ERBB4: variants seen among roughly 807,000 people sequenced by gnomAD.
ERBB4 encodes the protein erb-b2 receptor tyrosine kinase 4.
Under a neutral mutation model 158.0 loss-of-function variants are expected in ERBB4, and 42 were observed. The ratio of observed to expected loss-of-function variants is 0.27; its 90% CI spans 0.21 to 0.34. The LOEUF (loss-of-function observed/expected upper bound fraction) is 0.34, where lower values mean the gene tolerates loss of function less well. ERBB4 is among the 10% of genes least tolerant of loss of function. The pLI, the probability that ERBB4 is intolerant of heterozygous loss-of-function variation, is 1.00. For synonymous variants in ERBB4, 583 were observed against 558.7 expected, an observed-to-expected ratio of 1.04 and a Z score of -0.61; for missense variants, 1,333 against 1,624.1, an observed-to-expected ratio of 0.82 and a Z score of 3.08.
At chr2:212,272,646 G>C (rs1373091851) in intron 1 of ERBB4, among the ~76,000 whole-genome samples, 5 of 151,762 alleles carry the variant, frequency 3.3e-5, no homozygotes, top group Non-Finnish European at 7.4e-5. Context: ...TAGTTTGACT[G>C]ATGCGCCAGC....
intron 12 of ERBB4, among the ~76,000 whole-genome samples, chr2:211,698,152 A>C (rs547996787): frequency 3.6e-4 from 55 of 152,170 alleles, no homozygotes; most frequent in African/African-American, 1.3e-3. Flanking sequence ...CCCCGTCTCT[A>C]CTAAAAATAC....
intron 20 of ERBB4, among the ~76,000 whole-genome samples, chr2:211,464,594 A>C (rs2125509824): frequency 6.6e-6 from 1 of 152,242 alleles, no homozygotes; most frequent in Admixed American, 6.6e-5. Context: ...CAATTTAAAA[A>C]GTACGTCACT....
At chr2:212,030,572 G>A (rs534775564) in intron 2 of ERBB4, among the ~76,000 whole-genome samples, 1 of 152,174 alleles carries the variant, frequency 6.6e-6, no homozygotes, top group South Asian at 2.1e-4. Context: ...CAAGGGTAGG[G>A]AAATAGAAAA....
chr2:212,242,060 A>T (rs1019847818), intron 1 of ERBB4, among the ~76,000 whole-genome samples: 5 of 151,984 alleles, frequency 3.3e-5, no homozygotes, highest in Non-Finnish European at 7.4e-5. Flanking sequence ...AAATATGAAT[A>T]ATCATCATCA....
intron 2 of ERBB4, among the ~76,000 whole-genome samples, chr2:212,095,134 C>T (rs2078891887): frequency 1.3e-5 from 2 of 151,980 alleles, no homozygotes; most frequent in Admixed American, 1.3e-4. Context: ...AAGAATTAGT[C>T]TGAGAAAAAA....
At chr2:211,715,044 C>T (rs2073847528) in intron 7 of ERBB4, among the ~76,000 whole-genome samples, 1 of 152,172 alleles carries the variant, frequency 6.6e-6, no homozygotes, top group Admixed American at 6.5e-5. Context: ...TGCCATCTCA[C>T]CTATGACTAG....
intron 19 of ERBB4, among the ~76,000 whole-genome samples, chr2:211,579,208 G>C (rs1006233455): frequency 6.6e-6 from 1 of 151,730 alleles, no homozygotes; most frequent in African/African-American, 2.4e-5. Flanking sequence ...AAAGTTTAAC[G>C]ACACTGAGAT....
At chr2:212,192,083 A>T (rs1367169474) in intron 1 of ERBB4, among the ~76,000 whole-genome samples, 1 of 103,404 alleles carries the variant, frequency 9.7e-6, no homozygotes, top group East Asian at 2.8e-4. Flanking sequence ...TATATATATT[A>T]TATATATTAT....
chr2:211,560,920 CA>C (rs973367372), intron 20 of ERBB4, among the ~76,000 whole-genome samples: 5 of 151,760 alleles, frequency 3.3e-5, no homozygotes, highest in African/African-American at 1.2e-4. Context: ...TAAAAAAGGC[CA>C]AAACCACTAT....
At chr2:212,439,855 A>G (rs907049340) in intron 1 of ERBB4, among the ~76,000 whole-genome samples, 7 of 152,188 alleles carry the variant, frequency 4.6e-5, no homozygotes. Context: ...GAAATTTATT[A>G]AAAATGAGCT....
intron 1 of ERBB4, among the ~76,000 whole-genome samples, chr2:212,485,675 C>CA (rs1241931891): frequency 1.3e-5 from 2 of 152,090 alleles, no homozygotes; most frequent in Non-Finnish European, 2.9e-5. Context: ...GCTGCTATAA[C>CA]AAAAAATACC....
At chr2:212,269,519 T>C (rs1574562877) in intron 1 of ERBB4, among the ~76,000 whole-genome samples, 1 of 151,852 alleles carries the variant, frequency 6.6e-6, no homozygotes, top group Non-Finnish European at 1.5e-5. Context: ...ACTTACAGTG[T>C]AGACTTTTGC....
chr2:212,531,285 A>T (rs536536904), intron 1 of ERBB4, among the ~76,000 whole-genome samples: 6 of 152,330 alleles, frequency 3.9e-5, no homozygotes, highest in African/African-American at 1.4e-4. Context: ...GAGGGAACTC[A>T]GCTACAACCA....
rs746636278 is a variant in ERBB4, at chr2:211,875,025, CAAAAAAAAAA to C, written c.421+72395_421+72404del. On this transcript the variant is annotated intron_variant, in intron 3 of 27. Coordinates refer to ENST00000342788, the MANE Select transcript of ERBB4 (RefSeq NM_005235.3). ...TATTGTCATGCTTCAAATAGAAATG[CAAAAAAAAAA>C]AAAAAAAAAAAAAAACAAACTCAAA... 1.5e-4 allele frequency among the ~76,000 whole-genome samples: 4 copies of C among 27,026 alleles called. No homozygotes were observed. The East Asian group carries it at 3.8e-3, about 26-fold the overall frequency. The allele number at this position is 27,026 out of a possible 152,430, so 17.7% of individuals were successfully genotyped here. A position where few individuals can be genotyped will look rare whatever the true frequency, so the allele number is the denominator to read the frequency against.
intron 3 of ERBB4, among the ~76,000 whole-genome samples, chr2:211,867,825 A>T (rs2078247564): frequency 6.6e-6 from 1 of 152,216 alleles, no homozygotes; most frequent in Non-Finnish European, 1.5e-5. Context: ...AAATCTTCAT[A>T]CTAGAATCAT....
intron 5 of ERBB4, among the ~76,000 whole-genome samples, chr2:211,727,268 G>A (rs968651531): frequency 8.5e-5 from 13 of 152,088 alleles, no homozygotes; most frequent in African/African-American, 3.1e-4. Context: ...CAGGTATAAA[G>A]TGCTTTACAT....
intron 20 of ERBB4, among the ~76,000 whole-genome samples, chr2:211,519,555 A>T (rs552842189): frequency 6.6e-6 from 1 of 152,172 alleles, no homozygotes; most frequent in East Asian, 1.9e-4. Flanking sequence ...AAAGTGGTTC[A>T]TATTCCAAAT....
In ERBB4 at chr2:212,364,014, C is replaced by A. The variant is rs577107874; in HGVS notation, c.82+174435G>T. Among the ~76,000 whole-genome samples the A allele has an allele frequency of 5.9e-5, 9 of 151,790 alleles. No homozygotes were observed. In the South Asian group the frequency reaches 1.9e-3, roughly 32 times the overall value. On this transcript the variant is annotated intron_variant, in intron 1 of 27. Coordinates refer to ENST00000342788, the MANE Select transcript of ERBB4 (RefSeq NM_005235.3). ...ACATCTAGTGTACACTGTGGAATGA[C>A]ACAATTCTACACATCTCTGGTAAAC...
At chr2:212,281,094 A>T (rs147753660) in intron 1 of ERBB4, among the ~76,000 whole-genome samples, 1 of 151,886 alleles carries the variant, frequency 6.6e-6, no homozygotes, top group African/African-American at 2.4e-5. Flanking sequence ...GAAATACTGA[A>T]AGCCCTTCTT....
Sources: gnomAD v4.1 joint callset for allele counts (sites outside exome capture counted in the v4.1 genomes callset) on GRCh38, gnomAD v4.1.1 for gene constraint, MANE v1.5 for transcripts, NCBI Gene and HGNC (gene_info 2026-07-23, HGNC 2026-07-21) for gene names.